EXT1: variants seen among roughly 807,000 people sequenced by gnomAD.
The protein encoded by EXT1 is exostosin-1.
A neutral mutation model predicts 82.5 loss-of-function variants in EXT1; 20 were observed. The ratio of observed to expected loss-of-function variants is 0.24; its 90% CI spans 0.17 to 0.35. The LOEUF (loss-of-function observed/expected upper bound fraction) is 0.35. Among genes scored for constraint, EXT1 ranks in the 10% least tolerant of loss-of-function variants. The pLI, the probability that EXT1 is intolerant of heterozygous loss-of-function variation, is 1.00. For missense variants in EXT1, 757 were observed against 936.5 expected, an observed-to-expected ratio of 0.81 and a Z score of 2.50; for synonymous variants, 348 against 350.8, an observed-to-expected ratio of 0.99 and a Z score of 0.09.
At chr8:118,044,644 T>C (rs1268031310) in intron 1 of EXT1, among the ~76,000 whole-genome samples, 1 of 152,084 alleles carries the variant, frequency 6.6e-6, no homozygotes, top group Non-Finnish European at 1.5e-5. Context: ...CAACCTCAGG[T>C]GATCTGCCTG....
At chr8:118,074,102 G>GA (rs1367201723) in intron 1 of EXT1, among the ~76,000 whole-genome samples, 1 of 151,920 alleles carries the variant, frequency 6.6e-6, no homozygotes, top group Non-Finnish European at 1.5e-5. Flanking sequence ...GAGTGGGGGT[G>GA]AGGGTGAGGT....
At chr8:117,802,002 T>C (rs538361661) in intron 10 of EXT1, among the ~76,000 whole-genome samples, 1 of 152,344 alleles carries the variant, frequency 6.6e-6, no homozygotes, top group African/African-American at 2.4e-5. Context: ...AACCAACATC[T>C]ATTAGAAAAG....
At chr8:118,076,429 C>T (rs1033673918) in intron 1 of EXT1, among the ~76,000 whole-genome samples, 1 of 152,224 alleles carries the variant, frequency 6.6e-6, no homozygotes, top group Non-Finnish European at 1.5e-5. Context: ...TGGGTCCCTC[C>T]ATCACTGTTA....
chr8:117,812,078 CAG>C (rs1823334433), intron 8 of EXT1, among the ~76,000 whole-genome samples: 3 of 151,662 alleles, frequency 2.0e-5, no homozygotes, highest in Admixed American at 2.0e-4. Flanking sequence ...GGAAAAAAGA[CAG>C]GGAGAGGGAG....
chr8:118,102,627 A>G (rs1817739391), intron 1 of EXT1, among the ~76,000 whole-genome samples: 1 of 152,210 alleles, frequency 6.6e-6, no homozygotes, highest in African/African-American at 2.4e-5. Context: ...TAATTAAATA[A>G]TAATTAACCT....
At chr8:117,930,568 G>A (rs1349509141) in intron 1 of EXT1, among the ~76,000 whole-genome samples, 2 of 152,188 alleles carry the variant, frequency 1.3e-5, no homozygotes, top group Non-Finnish European at 2.9e-5. Context: ...GGAGAAGAGA[G>A]TGTGATGGTG....
chr8:118,070,782 A>C (rs968223218), intron 1 of EXT1, among the ~76,000 whole-genome samples: 1 of 152,202 alleles, frequency 6.6e-6, no homozygotes, highest in Non-Finnish European at 1.5e-5. Flanking sequence ...AGTTGAAATT[A>C]CTTACTGCAA....
At chr8:118,071,462 GCT>G (rs1034055217) in intron 1 of EXT1, among the ~76,000 whole-genome samples, 87 of 151,196 alleles carry the variant, frequency 5.8e-4, no homozygotes, top group African/African-American at 2.0e-3. Flanking sequence ...GAAAGAGACA[GCT>G]CTGTTTGTGT....
chr8:118,011,392 T>C (rs777769394), intron 1 of EXT1, among the ~76,000 whole-genome samples: 3 of 152,220 alleles, frequency 2.0e-5, no homozygotes, highest in Non-Finnish European at 4.4e-5. Flanking sequence ...CTAGCTGGAA[T>C]TCTGCAATAG....
chr8:117,837,254 G>T, intron 1 of EXT1, 53 bp from the exon 2 acceptor site: 1 of 1,454,024 alleles, frequency 6.9e-7, no homozygotes, highest in Non-Finnish European at 9.7e-7. Flanking sequence ...CGAATGTGGG[G>T]ATATTGACCA....
chr8:117,956,985 T>C (rs1814599270), intron 1 of EXT1, among the ~76,000 whole-genome samples: 1 of 152,196 alleles, frequency 6.6e-6, no homozygotes, highest in Non-Finnish European at 1.5e-5. Context: ...GTTTGAAACA[T>C]GTTGTTTCAC....
intron 1 of EXT1, among the ~76,000 whole-genome samples, chr8:118,003,879 T>C (rs557905984): frequency 2.3e-4 from 35 of 152,368 alleles, no homozygotes; most frequent in African/African-American, 7.7e-4. Context: ...TTCATGGTTT[T>C]TGTACTTTTC....
intron 1 of EXT1, among the ~76,000 whole-genome samples, chr8:117,899,385 GT>G (rs1352694629): frequency 6.6e-6 from 1 of 152,196 alleles, no homozygotes; most frequent in Non-Finnish European, 1.5e-5. Flanking sequence ...TATCTTCCCC[GT>G]ACTTAAGAAC....
chr8:117,885,509 AAAAG>A (rs1242774524), intron 1 of EXT1, among the ~76,000 whole-genome samples: 2 of 151,308 alleles, frequency 1.3e-5, no homozygotes, highest in Admixed American at 6.6e-5. Context: ...AAAAAAAAAA[AAAAG>A]AAAGAAAGAA....
rs557372454 is a variant in EXT1 at position 118,081,462 on chromosome 8, A to T, written c.962+28623T>A. ...GAGCAGTGTTCTGGAATGCAGAACC[A>T]GATCATCTGCTAGGATGTACATTTT... On this transcript the variant is annotated intron_variant, in intron 1 of 10. Coordinates refer to ENST00000378204, the MANE Select transcript of EXT1 (RefSeq NM_000127.3). Among the ~76,000 whole-genome samples the T allele has an allele frequency of 3.3e-5, 5 of 152,360 alleles. No homozygotes were observed. In the South Asian group the frequency reaches 8.3e-4, roughly 25 times the overall value.
At chr8:118,030,519 T>C (rs1367061657) in intron 1 of EXT1, among the ~76,000 whole-genome samples, 1 of 152,228 alleles carries the variant, frequency 6.6e-6, no homozygotes, top group South Asian at 2.1e-4. Context: ...TTTCACTCTG[T>C]TGCCCAGGCT....
chr8:118,080,318 A>G (rs1563649910), intron 1 of EXT1, among the ~76,000 whole-genome samples: 1 of 152,156 alleles, frequency 6.6e-6, no homozygotes. Flanking sequence ...GATATCATCC[A>G]TTTTTTAACC....
At chr8:117,834,892 T>C (rs1240480346) in intron 3 of EXT1, among the ~76,000 whole-genome samples, 1 of 149,928 alleles carries the variant, frequency 6.7e-6, no homozygotes, top group African/African-American at 2.5e-5. Context: ...CCCTCAGATT[T>C]TTCTGAGTAT....
At position 118,019,777 on chromosome 8, in the gene EXT1, A is replaced by G. The variant is rs1229455065; in HGVS notation, c.962+90308T>C. The stretch of plus-strand genomic sequence containing the variant: ...TTGGAGGAACTGAGACAAAACTTAA[A>G]TAACTCTGACCAAAGTTACCCACTT... On this transcript the variant is annotated intron_variant, in intron 1 of 10. Transcript: ENST00000378204. 2.6e-5 allele frequency among the ~76,000 whole-genome samples: 4 copies of G among 152,346 alleles called. No individual in the cohort carries two copies. The East Asian group carries it at 7.7e-4, about 29-fold the overall frequency.
Sources: allele counts gnomAD v4.1 joint callset (sites outside exome capture counted in the v4.1 genomes callset), GRCh38; gene constraint gnomAD v4.1.1; transcripts MANE v1.5; gene names NCBI Gene and HGNC (gene_info 2026-07-23, HGNC 2026-07-21).